The following SELENOF variants were observed in gnomAD, a reference collection of about 807,000 sequenced individuals.
The protein encoded by SELENOF is selenoprotein F.
Under a neutral mutation model 20.5 loss-of-function variants are expected in SELENOF, and 16 were observed. The observed-to-expected ratio is 0.78, with a 90% confidence interval of 0.53 to 1.19. The LOEUF is 1.19. Ranked by LOEUF, SELENOF falls within the 50% of genes most tolerant of loss-of-function variation. The pLI, the probability that SELENOF is intolerant of heterozygous loss-of-function variation, is 0.00. For missense variants in SELENOF, 215 were observed against 194.2 expected (o/e 1.11, Z -0.64); for synonymous variants, 78 against 74.5 (o/e 1.05, Z -0.24).
intron 2 of SELENOF, among the ~76,000 whole-genome samples, chr1:86,881,983 C>A (rs890473891): frequency 2.6e-5 from 4 of 152,020 alleles, no homozygotes; most frequent in African/African-American, 9.7e-5. Context: ...CCTGTAATTG[C>A]CGCTCTTAGG....
intron 3 of SELENOF, among the ~76,000 whole-genome samples, chr1:86,873,944 T>C (rs1658858086): frequency 6.6e-6 from 1 of 152,174 alleles, no homozygotes; most frequent in Non-Finnish European, 1.5e-5. Flanking sequence ...TTTGCATTCA[T>C]TTTCTGATCC....
chr1:86,903,231 C>T, intron 2 of SELENOF, 50 bp downstream of exon 2: 4 of 1,495,196 alleles, frequency 2.7e-6, no homozygotes, highest in African/African-American at 1.4e-5. Context: ...ACATTTTTAC[C>T]TTATCTCAAC....
At chr1:86,884,417 ATATG>A (rs1245121665) in intron 2 of SELENOF, among the ~76,000 whole-genome samples, 2 of 152,106 alleles carry the variant, frequency 1.3e-5, no homozygotes, top group Non-Finnish European at 2.9e-5. Context: ...ACATATATAT[ATATG>A]ATTTGTGGTG....
intron 2 of SELENOF, among the ~76,000 whole-genome samples, chr1:86,889,272 G>C (rs1359916038): frequency 6.6e-6 from 1 of 151,998 alleles, no homozygotes; most frequent in African/African-American, 2.4e-5. Context: ...GAAGAAAAAA[G>C]GTTTTCTTCA....
chr1:86,880,547 G>C, intron 3 of SELENOF, 115 bp downstream of exon 3: 1 of 558,566 alleles, frequency 1.8e-6, no homozygotes, highest in Non-Finnish European at 3.1e-6. Context: ...AGCATATATT[G>C]TTAAGAAAGT....
At chr1:86,891,650 A>T (rs527678097) in intron 2 of SELENOF, among the ~76,000 whole-genome samples, 14 of 152,300 alleles carry the variant, frequency 9.2e-5, no homozygotes, top group African/African-American at 3.1e-4. Flanking sequence ...ATATAAAAAA[A>T]TTTTAAATAA....
chr1:86,887,930 T>C (rs1659268579), intron 2 of SELENOF, among the ~76,000 whole-genome samples: 1 of 152,280 alleles, frequency 6.6e-6, no homozygotes, highest in African/African-American at 2.4e-5. Flanking sequence ...GTGACCACTA[T>C]ATTTTCTGAG....
chr1:86,874,625 T>C (rs1006393114), intron 3 of SELENOF, among the ~76,000 whole-genome samples: 1 of 151,974 alleles, frequency 6.6e-6, no homozygotes, highest in Non-Finnish European at 1.5e-5. Flanking sequence ...CTCCTCCTTG[T>C]TCTAGAAAGA....
In SELENOF at chr1:86,903,542, T is replaced by C. The variant is rs74647016; in HGVS notation, c.85-94A>G. 5,137 of 795,136 alleles carry C rather than the reference T, an allele frequency of 6.5e-3. 182 individuals carry two copies. The African/African-American group carries it at 0.08, about 12-fold the overall frequency. The allele number at this position is 795,136 out of a possible 1,614,324, so 49.3% of individuals were successfully genotyped here. A position where few individuals can be genotyped will look rare whatever the true frequency, so the allele number is the denominator to read the frequency against. On this transcript the variant is annotated intron_variant, in intron 1 of 4. Coordinates refer to ENST00000331835, the MANE Select transcript of SELENOF (RefSeq NM_004261.5). Reference sequence around the variant, plus strand: ...CACGGGGTTGTCAAAAACTAACACATTGAAGACAAGTTACTGAAATGTTTC... The same window carrying C: ...CACGGGGTTGTCAAAAACTAACACACTGAAGACAAGTTACTGAAATGTTTC...
At chr1:86,881,079 A>G (rs1659055195) in intron 2 of SELENOF, among the ~76,000 whole-genome samples, 1 of 152,206 alleles carries the variant, frequency 6.6e-6, no homozygotes, top group South Asian at 2.1e-4. Flanking sequence ...AGGGTGATAA[A>G]CTGAATATAG....
chr1:86,863,357 T>A lies in SELENOF; in HGVS notation c.*117A>T, dbSNP rs761099477. ...CCATTTCACGATTTAATTAGATATT[T>A]AATGCCTCAAGTAAAAGACTGATCA... is the stretch of plus-strand genomic sequence containing the variant. On this transcript the variant is annotated 3_prime_UTR_variant, in exon 5 of 5. Coordinates refer to ENST00000331835, the MANE Select transcript of SELENOF (RefSeq NM_004261.5). The A allele has an allele frequency of 1.9e-5, 16 of 826,716 alleles. No individual in the cohort carries two copies. Among genetic ancestry groups the A allele is most frequent in the Non-Finnish European group, 2.7e-5 (15 of 547,698 alleles). 51.2% of individuals were successfully genotyped at this position (826,716 alleles called of 1,614,324 possible). A position where few individuals can be genotyped will look rare whatever the true frequency, so the allele number is the denominator to read the frequency against.
chr1:86,894,416 A>C (rs912078668), intron 2 of SELENOF, among the ~76,000 whole-genome samples: 12 of 152,134 alleles, frequency 7.9e-5, no homozygotes, highest in African/African-American at 2.7e-4. Flanking sequence ...TAATTTTAAA[A>C]ATATCATGGT....
At chr1:86,897,884 A>G (rs1659567393) in intron 2 of SELENOF, among the ~76,000 whole-genome samples, 1 of 152,232 alleles carries the variant, frequency 6.6e-6, no homozygotes, top group Non-Finnish European at 1.5e-5. Flanking sequence ...TCCATGAGTC[A>G]AAAGATTAAC....
rs147921392 is a variant in SELENOF at position 86,906,476 on chromosome 1, ATG to A, written c.85-3030_85-3029del. 6.2e-3 allele frequency among the ~76,000 whole-genome samples: 948 copies of A among 152,344 alleles called. 11 individuals carry two copies. Among genetic ancestry groups the A allele is most frequent in the African/African-American group, 0.022 (914 of 41,576 alleles). ...CTCCCCTTGAATCTGGGCACGGGCCATGACTGTTCTGAACAACAGAGTTTAAA... is the reference window on the plus strand; with the variant it reads ...CTCCCCTTGAATCTGGGCACGGGCCAACTGTTCTGAACAACAGAGTTTAAA... On this transcript the variant is annotated intron_variant, in intron 1 of 4. Transcript: ENST00000331835.
intron 2 of SELENOF, chr1:86,887,190 A>G (rs1240234811): frequency 1.2e-5 from 19 of 1,542,554 alleles, no homozygotes; most frequent in Non-Finnish European, 1.6e-5. Flanking sequence ...GAAACAATGG[A>G]TGAATACTGA....
intron 2 of SELENOF, among the ~76,000 whole-genome samples, chr1:86,882,151 G>A (rs1366514539): frequency 6.7e-6 from 1 of 148,224 alleles, no homozygotes; most frequent in African/African-American, 2.5e-5. Context: ...AGAATTGCTT[G>A]AACCCAGGAG....
At position 86,866,794 on chromosome 1, in the gene SELENOF, C is replaced by G. The variant is rs186283009; in HGVS notation, c.366+1259G>C. ...TTATTAGAACAACTAAAATCCAAAA[C>G]AGTAACAATACCTAAAGCTGGTGAG... On this transcript the variant is annotated intron_variant, in intron 4 of 4. Coordinates refer to ENST00000331835, the MANE Select transcript of SELENOF (RefSeq NM_004261.5). 7.9e-5 allele frequency among the ~76,000 whole-genome samples: 12 copies of G among 152,216 alleles called. No homozygotes were observed. In the East Asian group the frequency reaches 2.3e-3, roughly 29 times the overall value.
At chr1:86,906,022 A>G (rs112428853) in intron 1 of SELENOF, among the ~76,000 whole-genome samples, 3,009 of 152,318 alleles carry the variant, frequency 0.02, 107 homozygotes, top group African/African-American at 0.061. Flanking sequence ...ATCCAGTGGC[A>G]TTTCCCAATG....
rs2102131534 is a variant in SELENOF at position 86,907,533 on chromosome 1, CA to C, written c.85-4086del. Among the ~76,000 whole-genome samples, 2 of 152,148 alleles carry C rather than the reference CA, an allele frequency of 1.3e-5. 1 individual carries two copies. The highest frequency in any genetic ancestry group is 2.9e-5 in the Non-Finnish European group (2 of 67,990). ...ATTATTCCTGCCATCCTTTTATTGC[CA>C]AAAGTAACTGATTGGCATTTAAATT... On this transcript the variant is annotated intron_variant, in intron 1 of 4. Coordinates refer to ENST00000331835, the MANE Select transcript of SELENOF (RefSeq NM_004261.5).
Sources: allele counts gnomAD v4.1 joint callset (sites outside exome capture counted in the v4.1 genomes callset), GRCh38; gene constraint gnomAD v4.1.1; transcripts MANE v1.5; gene names NCBI Gene and HGNC (gene_info 2026-07-23, HGNC 2026-07-21).